NDE1: variants seen among roughly 807,000 people sequenced by gnomAD.
The protein encoded by NDE1 is nuclear distribution protein nudE homolog 1.
Under a neutral mutation model 43.4 loss-of-function variants are expected in NDE1, and 28 were observed. That is an observed-to-expected ratio of 0.65 (90% CI 0.48 to 0.89). NDE1 has a LOEUF of 0.89. NDE1 is among the 40% of genes least tolerant of loss of function. The pLI, the probability that NDE1 is intolerant of heterozygous loss-of-function variation, is 0.00. For missense variants in NDE1, 441 were observed against 434.1 expected (o/e 1.02, Z -0.14); for synonymous variants, 184 against 172.0 (o/e 1.07, Z -0.55).
intron 8 of NDE1, among the ~76,000 whole-genome samples, chr16:15,697,800 T>G (rs2039080265): frequency 6.6e-6 from 1 of 151,984 alleles, no homozygotes; most frequent in Admixed American, 6.6e-5. Context: ...CTGAAGTTTT[T>G]TTTTTTGTTT....
upstream of NDE1, among the ~76,000 whole-genome samples, chr16:15,646,463 C>T (rs762945110): frequency 3.1e-4 from 47 of 152,112 alleles, no homozygotes; most frequent in Non-Finnish European, 5.4e-4. Context: ...CACCTGAAAT[C>T]CCAGCTACTC....
chr16:15,674,776 A>G (rs1317346869), intron 3 of NDE1, among the ~76,000 whole-genome samples: 7 of 151,994 alleles, frequency 4.6e-5, no homozygotes, highest in South Asian at 2.1e-4. Flanking sequence ...CAGTGATGCA[A>G]TCACGGCTCA....
In NDE1 at chr16:15,689,433, ATTGAGCTATGATT is replaced by A. The variant is rs1185781208; in HGVS notation, c.524-1710_524-1698del. ...CTTGAGCCCAGGAGTTCAAGGTTAC[ATTGAGCTATGATT>A]GTGCCACCGCACCCCAGCCTGGGTG... On this transcript the variant is annotated intron_variant, in intron 5 of 8. Transcript: ENST00000396354. 3.3e-5 allele frequency among the ~76,000 whole-genome samples: 5 copies of A among 152,278 alleles called. No individual in the cohort carries two copies. The East Asian group carries it at 9.7e-4, about 29-fold the overall frequency.
intron 1 of NDE1, among the ~76,000 whole-genome samples, chr16:15,658,008 G>A (rs1001757656): frequency 6.6e-6 from 1 of 152,158 alleles, no homozygotes; most frequent in African/African-American, 2.4e-5. Flanking sequence ...CCAAGACAAG[G>A]AATTGATTAT....
intron 3 of NDE1, among the ~76,000 whole-genome samples, chr16:15,672,477 C>G (rs1040272975): frequency 3.9e-5 from 6 of 152,008 alleles, no homozygotes; most frequent in Non-Finnish European, 7.4e-5. Flanking sequence ...TAACGAGGAC[C>G]CTGCCACCAG....
intron 8 of NDE1, among the ~76,000 whole-genome samples, chr16:15,711,942 G>C (rs757130346): frequency 1.3e-5 from 2 of 152,144 alleles, no homozygotes; most frequent in African/African-American, 4.8e-5. Flanking sequence ...ATCAGCCTGC[G>C]TTGGCCTCCC....
intron 1 of NDE1, chr16:15,644,027 T>C (rs1567606515): frequency 1.3e-5 from 2 of 151,246 alleles, no homozygotes; most frequent in Non-Finnish European, 2.9e-5. Flanking sequence ...TTCCCTGGAA[T>C]AAAAAAAAAT....
chr16:15,715,978 C>T (rs939712545), intron 8 of NDE1, among the ~76,000 whole-genome samples: 6 of 150,980 alleles, frequency 4.0e-5, no homozygotes, highest in African/African-American at 1.2e-4. Flanking sequence ...AATACAATTA[C>T]AAGCTGGGTA....
intron 4 of NDE1, among the ~76,000 whole-genome samples, chr16:15,680,781 C>A (rs1376400450): frequency 6.6e-6 from 1 of 152,096 alleles, no homozygotes; most frequent in Non-Finnish European, 1.5e-5. Flanking sequence ...CTCAAGTGAT[C>A]CACCTGCCTC....
intron 8 of NDE1, chr16:15,713,257 AAAAT>A (rs2039922741): frequency 6.6e-6 from 1 of 152,026 alleles, no homozygotes; most frequent in South Asian, 2.1e-4. Flanking sequence ...AAATGGAAAA[AAAAT>A]AGAAGTGTAC....
intron 8 of NDE1, chr16:15,708,874 A>G (rs1307924412): frequency 1.2e-6 from 2 of 1,604,038 alleles, no homozygotes; most frequent in African/African-American, 1.3e-5. Flanking sequence ...GGAGGTTACC[A>G]TCAGCAAACA....
intron 3 of NDE1, among the ~76,000 whole-genome samples, chr16:15,670,228 T>G (rs2891090): frequency 0.075 from 11,477 of 152,196 alleles, 1,064 homozygotes; most frequent in African/African-American, 0.22. Context: ...CAAAACTGTG[T>G]GTGCCCAGGG....
chr16:15,714,863 T>C (rs1462996078), intron 8 of NDE1: 2 of 1,610,514 alleles, frequency 1.2e-6, no homozygotes, highest in Admixed American at 3.3e-5. Context: ...CCAGTGCTTT[T>C]CTCTGGCCTG....
chr16:15,688,651 A>AG (rs2038566202), intron 5 of NDE1, among the ~76,000 whole-genome samples: 1 of 146,896 alleles, frequency 6.8e-6, no homozygotes, highest in African/African-American at 2.5e-5. Context: ...AAAAAAAAAA[A>AG]AAGACATTCA....
rs147582612 is a variant in NDE1 at position 15,719,273 on chromosome 16, C to A, written c.948-4918C>A. On this transcript the variant is annotated intron_variant, in intron 8 of 8. Transcript: ENST00000396354. ...CTGCCAGTTCCTCCTTCTCGAGGTCCGCTTGTTTGCGAGCCCTCTCAGCGG... is the reference window on the plus strand; with the variant it reads ...CTGCCAGTTCCTCCTTCTCGAGGTCAGCTTGTTTGCGAGCCCTCTCAGCGG... 7.4e-6 allele frequency: 12 copies of A among 1,612,886 alleles called. No homozygotes were observed. The highest frequency in any genetic ancestry group is 6.7e-5 in the Admixed American group (4 of 59,986).
intron 8 of NDE1, among the ~76,000 whole-genome samples, chr16:15,699,047 G>A (rs1167408524): frequency 6.6e-6 from 1 of 151,522 alleles, no homozygotes; most frequent in Non-Finnish European, 1.5e-5. Flanking sequence ...ACCACCCCTG[G>A]CTAATTTTTT....
chr16:15,694,777 A>G (rs1485177813), intron 7 of NDE1: 8 of 985,126 alleles, frequency 8.1e-6, no homozygotes, highest in Non-Finnish European at 8.4e-6. Context: ...TCTGAACCCT[A>G]TGTATGTCTC....
At chr16:15,648,880 G>A (rs2036386833), upstream of NDE1, among the ~76,000 whole-genome samples, 1 of 151,934 alleles carries the variant, frequency 6.6e-6, no homozygotes, top group African/African-American at 2.4e-5. Flanking sequence ...AATTGTGCCT[G>A]GCACACACAG....
intron 8 of NDE1, chr16:15,699,950 T>C: frequency 8.2e-7 from 1 of 1,216,668 alleles, no homozygotes; most frequent in African/African-American, 1.6e-5. Context: ...TAGTTAGCTT[T>C]GCGGCCCAAG....
Sources: allele counts gnomAD v4.1 joint callset (sites outside exome capture counted in the v4.1 genomes callset), GRCh38; gene constraint gnomAD v4.1.1; transcripts MANE v1.5; gene names NCBI Gene and HGNC (gene_info 2026-07-23, HGNC 2026-07-21).